The following SOX6 variants were observed in gnomAD, a reference collection of about 807,000 sequenced individuals.
The protein encoded by SOX6 is SRY-box transcription factor 6.
SOX6 carries 11 observed loss-of-function variants against 97.8 expected under a neutral mutation model. The observed-to-expected ratio is 0.11, with a 90% CI of 0.07 to 0.19. The LOEUF is 0.19. SOX6 is among the 10% of genes least tolerant of loss of function. The pLI is 1.00. For synonymous variants in SOX6, 360 were observed against 371.4 expected, an observed-to-expected ratio of 0.97 and a Z score of 0.35; for missense variants, 810 against 1,039.5, an observed-to-expected ratio of 0.78 and a Z score of 3.04.
intron 1 of SOX6, among the ~76,000 whole-genome samples, chr11:16,737,890 C>T (rs1255481139): frequency 6.6e-6 from 1 of 151,846 alleles, no homozygotes; most frequent in African/African-American, 2.4e-5. Flanking sequence ...AATTTAACCT[C>T]AATAATTACT....
chr11:16,070,892 T>A (rs888742464), intron 9 of SOX6, among the ~76,000 whole-genome samples: 6 of 152,172 alleles, frequency 3.9e-5, no homozygotes, highest in African/African-American at 1.4e-4. Context: ...TACCCAGCCA[T>A]TTTACAGAAG....
chr11:16,246,399 TGAA>T (rs1028323602), intron 3 of SOX6, among the ~76,000 whole-genome samples: 4 of 151,864 alleles, frequency 2.6e-5, no homozygotes, highest in African/African-American at 7.2e-5. Context: ...TTCTTCAGCC[TGAA>T]GAAGTTTTTT....
intron 9 of SOX6, among the ~76,000 whole-genome samples, chr11:16,060,908 T>A (rs963032479): frequency 6.6e-6 from 1 of 151,862 alleles, no homozygotes; most frequent in African/African-American, 2.4e-5. Flanking sequence ...GATCTAATTA[T>A]TTTTGAATGC....
In SOX6 at chr11:16,183,906, G is replaced by T. The variant is rs1470477091; in HGVS notation, c.757C>A (p.Leu253Ile). ...CTGACCTGGATCTGTTGCTGCAGGA[G>T]ATTAATTTTGTGCTGCTGTTGCAGA... ...QLLQQQHKIN[L>I]LQQQIQVQGH... is the part of the protein sequence containing the mutation. Residue 253 changes from leucine to isoleucine, a missense_variant, in exon 6 of 16, where the codon CTC becomes ATC. Transcript: ENST00000683767. 6.2e-7 allele frequency: 1 copy of T among 1,612,382 alleles called. No homozygotes were observed. The highest frequency in any genetic ancestry group is 8.5e-7 in the Non-Finnish European group (1 of 1,178,794).
intron 3 of SOX6, among the ~76,000 whole-genome samples, chr11:16,625,302 C>T (rs1240920184): frequency 7.1e-6 from 1 of 141,186 alleles, no homozygotes; most frequent in Non-Finnish European, 1.6e-5. Flanking sequence ...ATTAAAGTCC[C>T]TAGCCATCTT....
intron 9 of SOX6, among the ~76,000 whole-genome samples, chr11:16,064,130 G>C (rs920146346): frequency 6.6e-6 from 1 of 151,716 alleles, no homozygotes; most frequent in Non-Finnish European, 1.5e-5. Flanking sequence ...ATCAGATCTA[G>C]AAAATGTCCT....
chr11:16,621,364 A>G (rs1848543212), intron 3 of SOX6, among the ~76,000 whole-genome samples: 1 of 152,206 alleles, frequency 6.6e-6, no homozygotes, highest in Non-Finnish European at 1.5e-5. Flanking sequence ...AAAAAGAACC[A>G]TGGTATCTGC....
At chr11:16,127,680 G>C (rs1052784411) in intron 6 of SOX6, among the ~76,000 whole-genome samples, 2 of 152,076 alleles carry the variant, frequency 1.3e-5, no homozygotes, top group Non-Finnish European at 2.9e-5. Context: ...TGGAAAGTGA[G>C]AAAATAATAT....
chr11:16,698,472 T>C (rs943362773), intron 3 of SOX6, among the ~76,000 whole-genome samples: 1 of 152,234 alleles, frequency 6.6e-6, no homozygotes, highest in Non-Finnish European at 1.5e-5. Flanking sequence ...ACTTTCTCTT[T>C]ATCAGCAATA....
At chr11:16,275,805 C>A (rs1281239791) in intron 3 of SOX6, among the ~76,000 whole-genome samples, 1 of 152,162 alleles carries the variant, frequency 6.6e-6, no homozygotes, top group Non-Finnish European at 1.5e-5. Flanking sequence ...ATTTCAAGTA[C>A]TTCTTAGCTT....
chr11:16,475,209 G>T (rs967247767), intron 1 of SOX6, among the ~76,000 whole-genome samples: 2 of 152,112 alleles, frequency 1.3e-5, no homozygotes, highest in African/African-American at 4.8e-5. Context: ...CAGCAATAAG[G>T]CTATTTTGCT....
chr11:16,349,084 A>T (rs1298971448), intron 1 of SOX6, among the ~76,000 whole-genome samples: 1 of 152,078 alleles, frequency 6.6e-6, no homozygotes, highest in East Asian at 1.9e-4. Context: ...GTTCTCCCGC[A>T]CTCCAAAGAT....
upstream of SOX6, among the ~76,000 whole-genome samples, chr11:16,478,326 A>C (rs1860289686): frequency 6.6e-6 from 1 of 152,214 alleles, no homozygotes; most frequent in Non-Finnish European, 1.5e-5. Context: ...AAGAATGGGG[A>C]GCTAAAAGAA....
chr11:16,650,311 A>G (rs1244077055), intron 3 of SOX6, among the ~76,000 whole-genome samples: 1 of 152,146 alleles, frequency 6.6e-6, no homozygotes, highest in Non-Finnish European at 1.5e-5. Context: ...ATTCAATCCA[A>G]CAACTTCAGG....
intron 9 of SOX6, among the ~76,000 whole-genome samples, chr11:16,086,455 G>A (rs950125127): frequency 6.6e-6 from 1 of 152,128 alleles, no homozygotes; most frequent in Non-Finnish European, 1.5e-5. Context: ...GCCTGAGGCA[G>A]GCATCGTGAC....
At chr11:16,080,090 T>TAA (rs547003319) in intron 9 of SOX6, among the ~76,000 whole-genome samples, 1 of 138,014 alleles carries the variant, frequency 7.2e-6, no homozygotes, top group African/African-American at 2.7e-5. Context: ...AAAGTATAAT[T>TAA]AAAAAAAAAA....
chr11:16,519,389 C>T (rs1004295035), intron 4 of SOX6, among the ~76,000 whole-genome samples: 1 of 152,068 alleles, frequency 6.6e-6, no homozygotes, highest in African/African-American at 2.4e-5. Context: ...CTATTATTTC[C>T]ATCTTTGTAT....
chr11:16,596,040 A>C (rs1160603926), intron 4 of SOX6, among the ~76,000 whole-genome samples: 1 of 152,200 alleles, frequency 6.6e-6, no homozygotes, highest in African/African-American at 2.4e-5. Context: ...GGAAAAACTT[A>C]ATTATAAATA....
intron 4 of SOX6, among the ~76,000 whole-genome samples, chr11:16,551,071 T>A (rs1436243416): frequency 1.3e-5 from 2 of 152,048 alleles, no homozygotes; most frequent in Non-Finnish European, 2.9e-5. Flanking sequence ...ATTAGCCAGA[T>A]GTGGTAGCAC....
Sources: allele counts gnomAD v4.1 joint callset (sites outside exome capture counted in the v4.1 genomes callset), GRCh38; gene constraint gnomAD v4.1.1; transcripts MANE v1.5; gene names NCBI Gene and HGNC (gene_info 2026-07-23, HGNC 2026-07-21).